PPFIBP2: variants seen among roughly 807,000 people sequenced by gnomAD.
The protein encoded by PPFIBP2 is liprin-beta-2.
PPFIBP2 carries 118 observed loss-of-function variants against 118.3 expected under a neutral mutation model. The ratio of observed to expected loss-of-function variants is 1.00; its 90% CI spans 0.86 to 1.16. The LOEUF is 1.16. PPFIBP2 is among the 50% of genes most tolerant of loss of function. The pLI, the probability that PPFIBP2 is intolerant of heterozygous loss-of-function variation, is 0.00. For synonymous variants in PPFIBP2, 414 were observed against 397.4 expected, an observed-to-expected ratio of 1.04 and a Z score of -0.50; for missense variants, 1,195 against 1,073.1, an observed-to-expected ratio of 1.11 and a Z score of -1.59.
Position 7,561,469 on chromosome 11 carries a change from C to T in PPFIBP2, c.65-4084C>T, listed in dbSNP as rs192152769. ...GTTTATTGTTCTTTTATGTCTTGCT[C>T]AATTGCTCTTGTGCCTATAAAATCT... On this transcript the variant is annotated intron_variant, in intron 2 of 23. Coordinates refer to ENST00000299492, the MANE Select transcript of PPFIBP2 (RefSeq NM_003621.5). Among the ~76,000 whole-genome samples, 148 of 152,324 alleles carry T rather than the reference C, an allele frequency of 9.7e-4. 1 individual carries two copies. The highest frequency in any genetic ancestry group is 9.1e-3 in the Admixed American group (139 of 15,300).
downstream of PPFIBP2, among the ~76,000 whole-genome samples, chr11:7,657,386 A>G (rs1854772828): frequency 6.6e-6 from 1 of 152,102 alleles, no homozygotes; most frequent in Non-Finnish European, 1.5e-5. Flanking sequence ...ATCTCCCGTC[A>G]TCTGCAAGGG....
At chr11:7,656,813 G>A (rs1854733934), downstream of PPFIBP2, 1 of 1,289,612 alleles carries the variant, frequency 7.8e-7, no homozygotes, top group Non-Finnish European at 1.0e-6. Context: ...CTTCGTGGCT[G>A]AGAGCGTAGG....
At chr11:7,650,182 T>C (rs1853767845) in intron 21 of PPFIBP2, among the ~76,000 whole-genome samples, 1 of 152,202 alleles carries the variant, frequency 6.6e-6, no homozygotes, top group South Asian at 2.1e-4. Context: ...TTATGTTCCA[T>C]GAACTTCGGA....
intron 2 of PPFIBP2, among the ~76,000 whole-genome samples, chr11:7,560,214 A>G (rs1322664632): frequency 1.3e-5 from 2 of 152,234 alleles, no homozygotes; most frequent in Non-Finnish European, 2.9e-5. Context: ...TCCTGCCCAA[A>G]TAAAGGCCTG....
At chr11:7,524,808 A>C (rs1850079026) in intron 1 of PPFIBP2, among the ~76,000 whole-genome samples, 1 of 152,128 alleles carries the variant, frequency 6.6e-6, no homozygotes, top group African/African-American at 2.4e-5. Context: ...TGGGATAGGA[A>C]TAGCAGATTC....
intron 10 of PPFIBP2, 79 bp downstream of exon 10, chr11:7,629,613 G>A: frequency 2.8e-6 from 4 of 1,403,592 alleles, no homozygotes; most frequent in Non-Finnish European, 4.0e-6. Context: ...AGTTCTGCTA[G>A]CAGCTGTTTC....
At chr11:7,605,919 G>A in intron 5 of PPFIBP2, 1 of 1,523,752 alleles carries the variant, frequency 6.6e-7, no homozygotes, top group Non-Finnish European at 8.7e-7. Context: ...AAGCCTGTTG[G>A]AGCTGAGGTC....
At chr11:7,566,273 G>A (rs912034387) in intron 3 of PPFIBP2, among the ~76,000 whole-genome samples, 4 of 152,194 alleles carry the variant, frequency 2.6e-5, no homozygotes, top group African/African-American at 7.2e-5. Context: ...TAGTTTATTC[G>A]TATTCCTCTG....
chr11:7,539,225 C>T (rs1276705448), intron 1 of PPFIBP2: 1 of 152,570 alleles, frequency 6.6e-6, no homozygotes, highest in Non-Finnish European at 1.5e-5. Context: ...GCCCCTCTGT[C>T]CTGCTATGGC....
At chr11:7,561,487 T>TA (rs1259960436) in intron 2 of PPFIBP2, among the ~76,000 whole-genome samples, 1 of 152,262 alleles carries the variant, frequency 6.6e-6, no homozygotes, top group Non-Finnish European at 1.5e-5. Context: ...CTTGTGCCTA[T>TA]AAAATCTTCC....
chr11:7,589,390 G>A (rs1331035301), intron 3 of PPFIBP2, among the ~76,000 whole-genome samples: 1 of 152,082 alleles, frequency 6.6e-6, no homozygotes, highest in Admixed American at 6.5e-5. Context: ...TCAAGAGATT[G>A]AGACTATCCT....
intron 3 of PPFIBP2, among the ~76,000 whole-genome samples, chr11:7,575,385 A>ATCTG (rs1157333377): frequency 6.6e-6 from 1 of 152,182 alleles, no homozygotes; most frequent in Non-Finnish European, 1.5e-5. Flanking sequence ...CCACAGCTCT[A>ATCTG]TGTAAGCTGG....
At chr11:7,532,682 T>G (rs770587032) in intron 1 of PPFIBP2, among the ~76,000 whole-genome samples, 2 of 152,188 alleles carry the variant, frequency 1.3e-5, no homozygotes, top group Non-Finnish European at 2.9e-5. Context: ...AGCCCAGGCC[T>G]TCGGGGGAAG....
chr11:7,647,074 T>C (rs960325553), intron 17 of PPFIBP2, among the ~76,000 whole-genome samples: 4 of 152,212 alleles, frequency 2.6e-5, no homozygotes, highest in Non-Finnish European at 4.4e-5. Context: ...GTATACATTA[T>C]CTCTAACATT....
intron 16 of PPFIBP2, 143 bp downstream of exon 16, chr11:7,641,763 G>C: frequency 9.0e-6 from 8 of 890,746 alleles, no homozygotes; most frequent in African/African-American, 5.1e-5. Flanking sequence ...AAGAATCTGA[G>C]ATATTTTCCA....
In PPFIBP2 at chr11:7,625,870, A is replaced by C. The variant is rs1849936988; in HGVS notation, c.805A>C (p.Ser269Arg). The C allele has an allele frequency of 6.2e-7, 1 of 1,614,208 alleles. No individual in the cohort carries two copies. The highest frequency in any genetic ancestry group is 1.1e-5 in the South Asian group (1 of 91,076). Reference sequence around the variant, plus strand: ...GCTCTCCCGGACAGCAGCTCTCCACAGTGAGAGTCACACAGAGAGAGGTGA... The same window carrying C: ...GCTCTCCCGGACAGCAGCTCTCCACCGTGAGAGTCACACAGAGAGAGGTGA... ...SQLSRTAALH[S>R]ESHTERDQEI... Residue 269 changes from serine (S) to arginine (R), a missense_variant, in exon 8 of 24, where the codon AGT becomes CGT. Physicochemically the swap from Ser to Arg is moderately radical, Grantham distance 110. Coordinates refer to ENST00000299492, the MANE Select transcript of PPFIBP2 (RefSeq NM_003621.5).
At chr11:7,541,616 T>C (rs934934135) in intron 1 of PPFIBP2, among the ~76,000 whole-genome samples, 7 of 152,198 alleles carry the variant, frequency 4.6e-5, no homozygotes, top group Admixed American at 2.0e-4. Flanking sequence ...TCTGTTTTTA[T>C]ACCACTTCTT....
At chr11:7,654,809 C>A (rs1854533559), downstream of PPFIBP2, among the ~76,000 whole-genome samples, 1 of 152,354 alleles carries the variant, frequency 6.6e-6, no homozygotes, top group Non-Finnish European at 1.5e-5. Flanking sequence ...TCTCTGCACC[C>A]TCAAGTAAGT....
chr11:7,554,247 C>T (rs753367718), intron 2 of PPFIBP2, among the ~76,000 whole-genome samples: 6 of 152,158 alleles, frequency 3.9e-5, no homozygotes, highest in Non-Finnish European at 5.9e-5. Context: ...ACGGAAAAAA[C>T]CTTTATGGGC....
Sources: allele counts gnomAD v4.1 joint callset (sites outside exome capture counted in the v4.1 genomes callset), GRCh38; gene constraint gnomAD v4.1.1; transcripts MANE v1.5; gene names NCBI Gene and HGNC (gene_info 2026-07-23, HGNC 2026-07-21).